AQP7: variants seen among roughly 807,000 people sequenced by gnomAD.
AQP7 encodes aquaporin 7, also known as aquaporin-7.
A neutral mutation model predicts 26.1 loss-of-function variants in AQP7; 22 were observed. The ratio of observed to expected loss-of-function variants is 0.84; its 90% confidence interval spans 0.60 to 1.20. AQP7 has a LOEUF of 1.20. AQP7 is among the 50% of genes most tolerant of loss of function. AQP7 has a pLI of 0.00. For synonymous variants in AQP7, 167 were observed against 181.7 expected (o/e 0.92, Z 0.65); for missense variants, 412 against 457.5 (o/e 0.90, Z 0.91).
chr9:33,396,866 C>T (rs1587143127), intron 2 of AQP7, among the ~76,000 whole-genome samples: 1 of 151,412 alleles, frequency 6.6e-6, no homozygotes, highest in East Asian at 1.9e-4. Flanking sequence ...CTTGCCGAGG[C>T]GAGCTGATCG....
At chr9:33,385,392 G>T in intron 7 of AQP7, 102 bp from the exon 8 acceptor site, 1 of 1,383,390 alleles carries the variant, frequency 7.2e-7, no homozygotes, top group South Asian at 1.4e-5. Flanking sequence ...TCATCCCCAG[G>T]CTACCCCAGG....
chr9:33,390,795 C>T (rs57549863), intron 3 of AQP7, among the ~76,000 whole-genome samples: 5,127 of 152,288 alleles, frequency 0.034, 278 homozygotes, highest in African/African-American at 0.12. Context: ...TTCCCCCATT[C>T]CAATACCATG....
chr9:33,395,049 C>T (rs751859079), intron 3 of AQP7, 29 bp downstream of exon 3: 38 of 1,593,876 alleles, frequency 2.4e-5, no homozygotes, highest in Non-Finnish European at 2.8e-5. Context: ...GGCGGAGCCC[C>T]ACCCACTTCG....
At chr9:33,397,000 C>G (rs1825902333) in intron 2 of AQP7, among the ~76,000 whole-genome samples, 1 of 148,932 alleles carries the variant, frequency 6.7e-6, no homozygotes, top group African/African-American at 2.5e-5. Context: ...AATGGGGAGG[C>G]TGAGGTGGGA....
At chr9:33,391,025 C>T (rs955342432) in intron 3 of AQP7, among the ~76,000 whole-genome samples, 5 of 152,142 alleles carry the variant, frequency 3.3e-5, no homozygotes, top group Non-Finnish European at 7.3e-5. Flanking sequence ...GCAGGAGAAT[C>T]ACTTGAACCT....
chr9:33,389,196 T>C (rs1825152475), intron 3 of AQP7, among the ~76,000 whole-genome samples: 1 of 151,798 alleles, frequency 6.6e-6, no homozygotes, highest in Non-Finnish European at 1.5e-5. Flanking sequence ...CCCAACTATT[T>C]TTTTGTATTT....
Position 33,385,920 on chromosome 9 carries a change from C to G in AQP7, c.526-54G>C. 11 of 1,573,308 alleles carry G rather than the reference C, an allele frequency of 7.0e-6. No individual in the cohort carries two copies. The South Asian group carries it at 1.2e-4, about 17-fold the overall frequency. ...CTGGGCCCCTCCCCAAGCCACAGGA[C>G]CTCGGCAGTGCCCCAGACCCAAGCC... On this transcript the variant is annotated intron_variant, in intron 6 of 7. Coordinates refer to ENST00000297988, the MANE Select transcript of AQP7 (RefSeq NM_001170.3).
In AQP7 at chr9:33,385,273, C is replaced by T. The variant is rs749852149; in HGVS notation, c.761G>A (p.Trp254Ter). The T allele has an allele frequency of 3.1e-6, 5 of 1,610,792 alleles. No homozygotes were observed. The highest frequency in any genetic ancestry group is 4.2e-6 in the Non-Finnish European group (5 of 1,179,292). Residue 254 changes from tryptophan (W) to a stop codon, truncating the protein, a stop_gained, in exon 8 of 8, where the codon TGG becomes TAG. Transcript: ENST00000297988. LOFTEE classifies it low-confidence loss of function (END_TRUNC). ...AAGTGGTGCCACCACTGGCACCCAC[C>T]ACCAGTTCTCCCCATTGCTGCAGGC... The part of the protein sequence containing the change: ...KQVFSNGENW[W>*]WVPVVAPLLG...
intron 3 of AQP7, among the ~76,000 whole-genome samples, chr9:33,387,833 C>A (rs1825008281): frequency 6.6e-6 from 1 of 152,106 alleles, no homozygotes; most frequent in Non-Finnish European, 1.5e-5. Context: ...TGATCGGCTC[C>A]CACACACTGG....
intron 2 of AQP7, among the ~76,000 whole-genome samples, chr9:33,398,144 G>A (rs1438789796): frequency 6.6e-6 from 1 of 151,880 alleles, no homozygotes; most frequent in African/African-American, 2.4e-5. Context: ...AGAAAAGAAG[G>A]CTGGAGGGTA....
chr9:33,386,260 G>A, intron 5 of AQP7, 65 bp from the exon 6 acceptor site: 1 of 1,607,674 alleles, frequency 6.2e-7, no homozygotes, highest in African/African-American at 1.3e-5. Context: ...TCCCAGAAAT[G>A]AGGTTATAGG....
In AQP7 at chr9:33,384,531, A is replaced by G. The variant is rs542375970; in HGVS notation, c.*474T>C. 6.5e-6 allele frequency: 1 copy of G among 153,900 alleles called. No homozygotes were observed. The highest frequency in any genetic ancestry group is 2.1e-4 in the South Asian group (1 of 4,854). The allele number at this position is 153,900 out of a possible 1,614,324, so 9.5% of individuals were successfully genotyped here. On this transcript the variant is annotated 3_prime_UTR_variant, in exon 8 of 8. Transcript: ENST00000297988. Reference sequence around the variant, plus strand: ...TACTAGGGAAGGAACTAATGAAAAAAAGGCTAAAAAATTCTGATCTACATT... The same window carrying G: ...TACTAGGGAAGGAACTAATGAAAAAGAGGCTAAAAAATTCTGATCTACATT...
At chr9:33,395,022 G>A in intron 3 of AQP7, 56 bp downstream of exon 3, 2 of 1,450,168 alleles carry the variant, frequency 1.4e-6, no homozygotes, top group Non-Finnish European at 1.9e-6. Context: ...CATGGGGAGG[G>A]GGTCATGGAC....
chr9:33,401,207 T>C, intron 2 of AQP7, 30 bp downstream of exon 2: 1 of 1,548,400 alleles, frequency 6.5e-7, no homozygotes, highest in South Asian at 1.2e-5. Flanking sequence ...GACAGGGGGC[T>C]GGAGGGTGAG....
intron 3 of AQP7, among the ~76,000 whole-genome samples, chr9:33,390,525 T>C (rs1825291393): frequency 6.9e-6 from 1 of 145,780 alleles, no homozygotes; most frequent in Admixed American, 6.8e-5. Flanking sequence ...TCTGAGAAAA[T>C]GTGAAATAGC....
intron 3 of AQP7, among the ~76,000 whole-genome samples, chr9:33,389,475 A>G (rs894288001): frequency 3.9e-5 from 6 of 152,200 alleles, no homozygotes; most frequent in African/African-American, 1.2e-4. Context: ...ATGCCTGGCC[A>G]GAATATCCTA....
chr9:33,390,504 C>A (rs1477047338), intron 3 of AQP7, among the ~76,000 whole-genome samples: 2 of 151,628 alleles, frequency 1.3e-5, no homozygotes, highest in African/African-American at 4.8e-5. Flanking sequence ...TACAGAGCAG[C>A]TTTGGGGAAG....
intron 2 of AQP7, among the ~76,000 whole-genome samples, chr9:33,397,569 T>C (rs1404592462): frequency 7.2e-5 from 11 of 152,024 alleles, no homozygotes; most frequent in Non-Finnish European, 1.6e-4. Flanking sequence ...CTGGGATGGG[T>C]GAGCTATGAA....
rs1357240971 is a variant in AQP7 at position 33,401,488 on chromosome 9, G to A, written c.-25-201C>T. ...CTGGAGCCCCACCCCACCCATGCTGGCCCCAGGACCCCAGCCCCAGGCCAG... is the reference window on the plus strand; with the variant it reads ...CTGGAGCCCCACCCCACCCATGCTGACCCCAGGACCCCAGCCCCAGGCCAG... On this transcript the variant is annotated intron_variant, in intron 1 of 7. Coordinates refer to ENST00000297988, the MANE Select transcript of AQP7 (RefSeq NM_001170.3). The A allele has an allele frequency of 2.1e-5, 12 of 571,724 alleles. No homozygotes were observed. In the Admixed American group the frequency reaches 3.2e-4, roughly 15 times the overall value. The allele number at this position is 571,724 out of a possible 1,614,324, so 35.4% of individuals were successfully genotyped here. A position where few individuals can be genotyped will look rare whatever the true frequency, so the allele number is the denominator to read the frequency against.
Sources: gnomAD v4.1 joint callset for allele counts (sites outside exome capture counted in the v4.1 genomes callset) on GRCh38, gnomAD v4.1.1 for gene constraint, MANE v1.5 for transcripts, NCBI Gene and HGNC (gene_info 2026-07-23, HGNC 2026-07-21) for gene names.